Variants in IFT74 observed in about 807,000 individuals in gnomAD.
The protein encoded by IFT74 is intraflagellar transport 74.
IFT74 carries 92 observed loss-of-function variants against 96.7 expected under a neutral mutation model. The observed-to-expected ratio is 0.95, with a 90% CI of 0.80 to 1.13. The LOEUF (loss-of-function observed/expected upper bound fraction) is 1.13. IFT74 is among the 50% of genes most tolerant of loss of function. The pLI, the probability that IFT74 is intolerant of heterozygous loss-of-function variation, is 0.00. For missense variants in IFT74, 811 were observed against 698.2 expected, an observed-to-expected ratio of 1.16 and a Z score of -1.82; for synonymous variants, 223 against 213.2, an observed-to-expected ratio of 1.05 and a Z score of -0.40.
intron 8 of IFT74, chr9:26,999,513 T>C: frequency 1.2e-6 from 1 of 822,322 alleles, no homozygotes; most frequent in Non-Finnish European, 1.9e-6. Context: ...TTTTAGTAGG[T>C]CAGATTTTCT....
At position 26,962,765 on chromosome 9, in the gene IFT74, G is replaced by C. The variant is rs139220130; in HGVS notation, c.120+678G>C. ...TGGGCTAGGCTTTCTAAACATGACA[G>C]AAATAACAAGTACTGAAAAGGAAAA... On this transcript the variant is annotated intron_variant, in intron 2 of 19. Transcript: ENST00000380062. Among the ~76,000 whole-genome samples, 598 of 151,864 alleles carry C rather than the reference G, an allele frequency of 3.9e-3. 2 individuals are homozygous for C. Among genetic ancestry groups the C allele is most frequent in the Middle Eastern group, 0.014 (4 of 294 alleles).
chr9:26,991,549 T>C (rs1827872156), intron 8 of IFT74, among the ~76,000 whole-genome samples: 1 of 152,168 alleles, frequency 6.6e-6, no homozygotes, highest in Non-Finnish European at 1.5e-5. Context: ...TGCTGTAAAG[T>C]GGTATCTTAT....
At chr9:27,000,874 CCCTACTGATCTAACACTAGG>C (rs1828447365) in intron 8 of IFT74, among the ~76,000 whole-genome samples, 1 of 152,102 alleles carries the variant, frequency 6.6e-6, no homozygotes, top group Non-Finnish European at 1.5e-5. Context: ...ACTATAATTA[CCCTACTGATCTAACACTAGG>C]CCTTCTTTTT....
rs1372185475 is a variant in IFT74 at position 26,956,525 on chromosome 9, C to T, written c.-20+9C>T. On this transcript the variant is annotated intron_variant, in intron 1 of 19. Coordinates refer to ENST00000380062, the MANE Select transcript of IFT74 (RefSeq NM_025103.4). ...CTTCCGCGCCGGCGGAGGTGAGAAT[C>T]CCCGGGTCCCATCTCTTCCTCCCTC... The T allele has an allele frequency of 6.6e-6, 1 of 152,362 alleles. No individual in the cohort carries two copies. 9.4% of individuals were successfully genotyped at this position (152,362 alleles called of 1,614,324 possible).
chr9:26,962,569 C>T (rs1351887593), intron 2 of IFT74, among the ~76,000 whole-genome samples: 3 of 152,124 alleles, frequency 2.0e-5, no homozygotes, highest in Non-Finnish European at 4.4e-5. Context: ...AAACATGGAG[C>T]ATTCAATAGA....
upstream of IFT74, among the ~76,000 whole-genome samples, chr9:26,951,704 C>T (rs1183152884): frequency 3.9e-5 from 6 of 152,140 alleles, no homozygotes; most frequent in African/African-American, 1.2e-4. Context: ...TTCACAACCA[C>T]CCTGGGCAAC....
At chr9:27,019,446 A>T (rs969081512) in intron 12 of IFT74, among the ~76,000 whole-genome samples, 19 of 151,904 alleles carry the variant, frequency 1.3e-4, no homozygotes, top group African/African-American at 4.6e-4. Flanking sequence ...TTTCTCGAAG[A>T]TCAGCTGACT....
intron 8 of IFT74, among the ~76,000 whole-genome samples, chr9:26,992,646 T>A (rs1291928579): frequency 1.3e-5 from 2 of 152,022 alleles, no homozygotes; most frequent in African/African-American, 4.8e-5. Flanking sequence ...TAAGCCGAGA[T>A]TGCGCCACTA....
chr9:27,027,055 A>G (rs999155337), intron 12 of IFT74, among the ~76,000 whole-genome samples: 1 of 152,186 alleles, frequency 6.6e-6, no homozygotes, highest in African/African-American at 2.4e-5. Flanking sequence ...AAGATAAACA[A>G]AATTGATAGA....
intron 2 of IFT74, among the ~76,000 whole-genome samples, chr9:26,974,139 C>A (rs1826994565): frequency 1.3e-5 from 2 of 152,078 alleles, no homozygotes; most frequent in Non-Finnish European, 2.9e-5. Context: ...TTTTTTGGAT[C>A]CTTTATAGTT....
Position 26,979,505 on chromosome 9 carries a change from G to A in IFT74, c.257-1066G>A, listed in dbSNP as rs1404023632. ...TCAAAGCCTTTTAAGAGAGAATTCG[G>A]AACATTACCACTACACAGAACTGTC... is the stretch of plus-strand genomic sequence containing the variant. On this transcript the variant is annotated intron_variant, in intron 3 of 19. Transcript: ENST00000380062. 4.0e-5 allele frequency among the ~76,000 whole-genome samples: 6 copies of A among 151,828 alleles called. No individual in the cohort carries two copies. In the South Asian group the frequency reaches 1.2e-3, roughly 32 times the overall value.
Position 27,066,103 on chromosome 9 carries a change from A to G in IFT74, c.*3367A>G, listed in dbSNP as rs1426078643. ...TTATTTATGTATTTATGCACCTTTA[A>G]TTAAATTAAAATTATATTGTTTTTA... On this transcript the variant is annotated 3_prime_UTR_variant, in exon 20 of 20. Transcript: ENST00000380062. Among the ~76,000 whole-genome samples, 6 of 152,232 alleles carry G rather than the reference A, an allele frequency of 3.9e-5. No homozygotes were observed. Among genetic ancestry groups the G allele is most frequent in the Non-Finnish European group, 8.8e-5 (6 of 68,024 alleles).
At position 26,977,986 on chromosome 9, in the gene IFT74, T is replaced by A. The variant is rs971121277; in HGVS notation, c.121-142T>A. ...TAAATTGAACAACAGTATTTAATAA[T>A]TCAGACATTTAAAAAATAAGGAAAT... is the stretch of plus-strand genomic sequence containing the variant. On this transcript the variant is annotated intron_variant, in intron 2 of 19. Transcript: ENST00000380062. 1.5e-4 allele frequency: 91 copies of A among 620,950 alleles called. No homozygotes were observed. In the African/African-American group the frequency reaches 1.5e-3, roughly 10 times the overall value. The allele number at this position is 620,950 out of a possible 1,614,324, so 38.5% of individuals were successfully genotyped here.
Position 26,989,832 on chromosome 9 carries a change from C to T in IFT74, c.526-302C>T, listed in dbSNP as rs369366629. On this transcript the variant is annotated intron_variant, in intron 7 of 19. Coordinates refer to ENST00000380062, the MANE Select transcript of IFT74 (RefSeq NM_025103.4). ...TATTACTAATCAAATATTTATTGAA[C>T]ACTCAATATATTCTTTGAATGCTGT... Among the ~76,000 whole-genome samples the T allele has an allele frequency of 1.1e-4, 17 of 152,050 alleles. No homozygotes were observed. In the East Asian group the frequency reaches 1.9e-3, roughly 17 times the overall value.
chr9:26,961,716 G>C, intron 1 of IFT74, among the ~76,000 whole-genome samples: 1 of 152,034 alleles, frequency 6.6e-6, no homozygotes, highest in East Asian at 1.9e-4. Context: ...TAATAGAGGG[G>C]CTTGCATTTT....
At chr9:27,058,819 A>C (rs1406025405) in intron 18 of IFT74, among the ~76,000 whole-genome samples, 1 of 152,244 alleles carries the variant, frequency 6.6e-6, no homozygotes, top group Admixed American at 6.5e-5. Flanking sequence ...AAAGCTTAGA[A>C]ATCACTAATT....
At chr9:26,988,053 A>T (rs1827710685) in intron 6 of IFT74, among the ~76,000 whole-genome samples, 1 of 151,996 alleles carries the variant, frequency 6.6e-6, no homozygotes, top group South Asian at 2.1e-4. Context: ...CCCGGGTTCA[A>T]GCGATTCTCC....
chr9:27,002,100 G>C (rs1446227942), intron 8 of IFT74, among the ~76,000 whole-genome samples: 2 of 152,184 alleles, frequency 1.3e-5, no homozygotes, highest in East Asian at 3.8e-4. Flanking sequence ...GGAAGAAAGA[G>C]CAGAGGGAGG....
chr9:26,972,165 T>A (rs962410552), intron 2 of IFT74, among the ~76,000 whole-genome samples: 1 of 152,224 alleles, frequency 6.6e-6, no homozygotes, highest in African/African-American at 2.4e-5. Flanking sequence ...ACTAGCTAGT[T>A]TGAGTGAATT....
Sources: gnomAD v4.1 joint callset for allele counts (sites outside exome capture counted in the v4.1 genomes callset) on GRCh38, gnomAD v4.1.1 for gene constraint, MANE v1.5 for transcripts, NCBI Gene and HGNC (gene_info 2026-07-23, HGNC 2026-07-21) for gene names.